MYO7A: variants seen among roughly 807,000 people sequenced by gnomAD.
MYO7A encodes unconventional myosin-VIIa.
In MYO7A, 210 loss-of-function variants were observed where a neutral mutation model predicts 263.8. The observed-to-expected ratio is 0.80, with a 90% confidence interval of 0.71 to 0.89. MYO7A has a LOEUF of 0.89. Ranked by LOEUF, MYO7A falls within the 40% of genes least tolerant of loss-of-function variation. The probability of loss-of-function intolerance (pLI) is 0.00; values close to 1 mark genes in which losing one functional copy is unlikely to be tolerated. For missense variants in MYO7A, 2,820 were observed against 2,968.3 expected, an observed-to-expected ratio of 0.95 and a Z score of 1.16; for synonymous variants, 1,239 against 1,197.3, an observed-to-expected ratio of 1.03 and a Z score of -0.72.
At position 77,189,438 on chromosome 11, in the gene MYO7A, G is replaced by A. The variant is rs1016139683; in HGVS notation, c.3598G>A (p.Gly1200Ser). Residue 1200 changes from glycine to serine, a missense_variant, in exon 28 of 49, where the codon GGC becomes AGC. Physicochemically the swap from Gly to Ser is moderately conservative, Grantham distance 56. Transcript: ENST00000409709. ...CTGGATTCTCGTGTCTCTCTGCGTG[G>A]GCTGTTTCGCCCCCTCCGAGAAGTT... ...RGWILVSLCV[G>S]CFAPSEKFVK... The A allele has an allele frequency of 6.2e-7, 1 of 1,613,906 alleles. No homozygotes were observed. Among genetic ancestry groups the A allele is most frequent in the Non-Finnish European group, 8.5e-7 (1 of 1,179,880 alleles).
At chr11:77,154,400 T>A (rs1952243680) in intron 4 of MYO7A, among the ~76,000 whole-genome samples, 1 of 152,128 alleles carries the variant, frequency 6.6e-6, no homozygotes, top group African/African-American at 2.4e-5. Flanking sequence ...CCACAGGTCC[T>A]GATCTGAGAA....
intron 25 of MYO7A, 61 bp from the exon 26 acceptor site, chr11:77,183,007 C>A: frequency 1.4e-6 from 2 of 1,397,210 alleles, no homozygotes; most frequent in South Asian, 2.5e-5. Flanking sequence ...GTCTTGCTGT[C>A]GGGGGTCTCG....
Position 77,162,281 on chromosome 11 carries a change from A to G in MYO7A, c.1505A>G (p.Lys502Arg), listed in dbSNP as rs1391408138. The G allele has an allele frequency of 6.4e-7, 1 of 1,553,146 alleles. No homozygotes were observed. The highest frequency in any genetic ancestry group is 8.7e-7 in the Non-Finnish European group (1 of 1,147,872). Residue 502 changes from lysine (K) to arginine (R), a missense_variant, in exon 13 of 49, where the codon AAG (lysine) becomes AGG (arginine). Coordinates refer to ENST00000409709, the MANE Select transcript of MYO7A (RefSeq NM_000260.4). Reference protein sequence around the residue: ...NQDALDMIANKPMNIISLIDE... With the variant: ...NQDALDMIANRPMNIISLIDE... ...GATGCCCTGGACATGATTGCCAACA[A>G]GCCCATGAACATCATCTCCCTCATC...
intron 21 of MYO7A, 56 bp from the exon 22 acceptor site, chr11:77,180,318 C>A (rs1955066821): frequency 1.4e-6 from 2 of 1,477,636 alleles, no homozygotes; most frequent in South Asian, 1.2e-5. Context: ...TGGTGGGAAT[C>A]CCTGCAACAA....
chr11:77,191,351 G>T (rs1956054704), intron 30 of MYO7A, among the ~76,000 whole-genome samples: 1 of 152,188 alleles, frequency 6.6e-6, no homozygotes, highest in Non-Finnish European at 1.5e-5. Context: ...ACTGCTGAGT[G>T]CTCTTCAGCA....
rs376786075 is a variant in MYO7A at position 77,190,179 on chromosome 11, C to T, written c.3750+40C>T. On this transcript the variant is annotated intron_variant, in intron 29 of 48. Transcript: ENST00000409709. Reference sequence around the variant, plus strand: ...ATGCACGTGCTCGTGTGCATGTGTGCGCACGTGTGTAAATGCGTGTGTGTG... The same window carrying T: ...ATGCACGTGCTCGTGTGCATGTGTGTGCACGTGTGTAAATGCGTGTGTGTG... 224 of 1,509,602 alleles carry T rather than the reference C, an allele frequency of 1.5e-4. No homozygotes were observed. The African/African-American group carries it at 2.1e-3, about 14-fold the overall frequency. The allele number at this position is 1,509,602 out of a possible 1,614,324, so 93.5% of individuals were successfully genotyped here.
intron 4 of MYO7A, among the ~76,000 whole-genome samples, chr11:77,149,209 C>A (rs1183796299): frequency 6.7e-6 from 1 of 149,916 alleles, no homozygotes; most frequent in African/African-American, 2.5e-5. Context: ...CAAGGATGTG[C>A]AACCCCCAGC....
rs749650979 is a variant in MYO7A at position 77,204,131 on chromosome 11, G to A, written c.5382G>A (p.Glu1794=). The stretch of plus-strand genomic sequence containing the variant: ...CCAAGAGGACACGCTCCGTCAACGA[G>A]CTCACCGACCAGATCTTTGAGGGTC... ...YPSKRTRSVN[E]LTDQIFEGPL... The change falls in exon 39 of 49, where the codon GAG becomes GAA. Residue 1794 remains glutamate (E), a synonymous_variant. Coordinates refer to ENST00000409709, the MANE Select transcript of MYO7A (RefSeq NM_000260.4). The A allele has an allele frequency of 1.3e-5, 21 of 1,599,610 alleles. No homozygotes were observed. Among genetic ancestry groups the A allele is most frequent in the Non-Finnish European group, 1.8e-5 (21 of 1,173,402 alleles).
intron 39 of MYO7A, among the ~76,000 whole-genome samples, chr11:77,204,431 G>A (rs1354020921): frequency 6.6e-6 from 1 of 152,222 alleles, no homozygotes; most frequent in Admixed American, 6.5e-5. Flanking sequence ...GGTGGTGGAT[G>A]TCTTCCTTTG....
At position 77,138,105 on chromosome 11, in the gene MYO7A, TG is replaced by T. The variant is rs1397922707; in HGVS notation, c.19-4600del. Among the ~76,000 whole-genome samples, 1 of 151,764 alleles carries T rather than the reference TG, an allele frequency of 6.6e-6. No homozygotes were observed. The highest frequency in any genetic ancestry group is 1.5e-5 in the Non-Finnish European group (1 of 67,892). On this transcript the variant is annotated intron_variant, in intron 2 of 48. Transcript: ENST00000409709. This position sits in a 1 kb window ranked among gnomAD's most constrained non-coding sequence, Gnocchi z 4.9. ...AAGCCGCCTGGGATTCCGGGCAAAG[TG>T]GGGCTGTGGGGGGTTCGGCCGAGAC...
chr11:77,212,276 G>A (rs1384399986), intron 46 of MYO7A: 3 of 450,946 alleles, frequency 6.7e-6, no homozygotes, highest in Non-Finnish European at 1.3e-5. Flanking sequence ...CTTAGAGGAG[G>A]TGATATCTGA....
chr11:77,215,059 A>G lies in MYO7A; in HGVS notation c.*363A>G. 1 of 247,142 alleles carries G rather than the reference A, an allele frequency of 4.0e-6. No homozygotes were observed. The highest frequency in any genetic ancestry group is 5.0e-5 in the Admixed American group (1 of 19,928). 15.3% of individuals were successfully genotyped at this position (247,142 alleles called of 1,614,324 possible). A position where few individuals can be genotyped will look rare whatever the true frequency, so the allele number is the denominator to read the frequency against. ...ACTGGGATAGAGGAATCAAGAGGAC[A>G]ATCTAGCTCTCCATACTTTGAACAA... On this transcript the variant is annotated 3_prime_UTR_variant, in exon 49 of 49. Transcript: ENST00000409709.
At chr11:77,183,424 C>T (rs544716398) in intron 26 of MYO7A, among the ~76,000 whole-genome samples, 27 of 152,316 alleles carry the variant, frequency 1.8e-4, no homozygotes, top group Admixed American at 1.2e-3. Flanking sequence ...AGGCCGGTAG[C>T]GGCACAGCTG....
chr11:77,159,493 A>G lies in MYO7A; in HGVS notation c.1050A>G (p.Pro350=), dbSNP rs782476855. ...ATGCCTGTGAGGTTCTCTTCTCCCCATCGCTGGCCACAGCTGCATCCCTGC... is the reference window on the plus strand; with the variant it reads ...ATGCCTGTGAGGTTCTCTTCTCCCCGTCGCTGGCCACAGCTGCATCCCTGC... The part of the protein sequence containing the change: ...NLDACEVLFS[P]SLATAASLLE... Residue 350 remains proline (P), a synonymous_variant, in exon 10 of 49, where the codon CCA becomes CCG. Coordinates refer to ENST00000409709, the MANE Select transcript of MYO7A (RefSeq NM_000260.4). 5 of 1,498,912 alleles carry G rather than the reference A, an allele frequency of 3.3e-6. No homozygotes were observed. Among genetic ancestry groups the G allele is most frequent in the East Asian group, 2.6e-5 (1 of 38,636 alleles). 92.9% of individuals were successfully genotyped at this position (1,498,912 alleles called of 1,614,324 possible). A position where few individuals can be genotyped will look rare whatever the true frequency, so the allele number is the denominator to read the frequency against.
rs1957123939 is a variant in MYO7A, at chr11:77,202,375, G to T, written c.5119G>T (p.Val1707Leu). ...GCAGCTGCGAACGGCGGAGCCCGAG[G>T]TGCGTGCCAAGCCCTACACGCTGGA... ...LLQLRTAEPE[V>L]RAKPYTLEEF... is the part of the protein sequence containing the mutation. Residue 1707 changes from valine to leucine, a missense_variant, in exon 37 of 49, where the codon GTG becomes TTG. By Grantham distance (32) the Val-to-Leu change is conservative (BLOSUM62 1). Coordinates refer to ENST00000409709, the MANE Select transcript of MYO7A (RefSeq NM_000260.4). 1.3e-6 allele frequency: 2 copies of T among 1,560,136 alleles called. No homozygotes were observed. The highest frequency in any genetic ancestry group is 1.7e-6 in the Non-Finnish European group (2 of 1,151,636).
rs1262801513 is a variant in MYO7A, at chr11:77,207,429, G to A, written c.5856+27G>A. On this transcript the variant is annotated intron_variant, in intron 42 of 48. Transcript: ENST00000409709. The stretch of plus-strand genomic sequence containing the variant: ...TGGGTCCTTTGCCACCTTCGCCAAG[G>A]TGGGAGATTTGCTGGGGCCATAGGA... 2.7e-6 allele frequency: 4 copies of A among 1,505,284 alleles called. No individual in the cohort carries two copies. In the Admixed American group the frequency reaches 5.5e-5, roughly 21 times the overall value. 93.2% of individuals were successfully genotyped at this position (1,505,284 alleles called of 1,614,324 possible). A position where few individuals can be genotyped will look rare whatever the true frequency, so the allele number is the denominator to read the frequency against.
chr11:77,174,823 G>A lies in MYO7A; in HGVS notation c.2003G>A (p.Arg668His), dbSNP rs368575149. The change falls in exon 17 of 49, where the codon CGC becomes CAC. Residue 668 changes from arginine to histidine, a missense_variant. Arg to His is a conservative substitution (Grantham distance 29). Transcript: ENST00000409709. ...YSGMMETIRI[R>H]RAGYPIRYSF... ...GGAATGATGGAGACCATCCGAATCC[G>A]CCGAGCTGGCTACCCCATCCGCTAC... is the stretch of plus-strand genomic sequence containing the variant. The A allele has an allele frequency of 1.2e-6, 2 of 1,613,276 alleles. No individual in the cohort carries two copies. The highest frequency in any genetic ancestry group is 1.7e-6 in the Non-Finnish European group (2 of 1,179,784).
intron 4 of MYO7A, among the ~76,000 whole-genome samples, chr11:77,153,862 C>T (rs535438484): frequency 3.3e-5 from 5 of 152,350 alleles, no homozygotes; most frequent in Non-Finnish European, 5.9e-5. Context: ...CCAGCCTCCC[C>T]GTGTGTCTCA....
At chr11:77,182,703 T>G in intron 25 of MYO7A, 103 bp downstream of exon 25, 3 of 1,272,488 alleles carry the variant, frequency 2.4e-6, no homozygotes, top group Non-Finnish European at 3.3e-6. Context: ...GATCCTATAA[T>G]TCATCTCTGC....
Sources: allele counts gnomAD v4.1 joint callset (sites outside exome capture counted in the v4.1 genomes callset), GRCh38; gene constraint gnomAD v4.1.1; non-coding constraint Gnocchi (gnomAD v3.1); transcripts MANE v1.5; gene names NCBI Gene and HGNC (gene_info 2026-07-23, HGNC 2026-07-21).